Variants in THSD7B observed in about 807,000 individuals in gnomAD.
THSD7B encodes thrombospondin type 1 domain containing 7B, also known as thrombospondin type-1 domain-containing protein 7B.
THSD7B carries 138 observed loss-of-function variants against 213.6 expected under a neutral mutation model. That is an observed-to-expected ratio of 0.65 (90% confidence interval 0.56 to 0.74). THSD7B has a LOEUF of 0.74. Among genes scored for constraint, THSD7B ranks in the 30% least tolerant of loss-of-function variants. The probability of loss-of-function intolerance (pLI) is 0.00; values close to 1 mark genes in which losing one functional copy is unlikely to be tolerated. For missense variants in THSD7B, 1,931 were observed against 1,991.5 expected, an observed-to-expected ratio of 0.97 and a Z score of 0.58; for synonymous variants, 742 against 687.0, an observed-to-expected ratio of 1.08 and a Z score of -1.25.
intron 7 of THSD7B, among the ~76,000 whole-genome samples, chr2:137,218,569 A>G (rs1681299402): frequency 6.6e-6 from 1 of 152,066 alleles, no homozygotes; most frequent in Admixed American, 6.5e-5. Flanking sequence ...TCAGTTGCAT[A>G]AAGGCATTAA....
intron 15 of THSD7B, among the ~76,000 whole-genome samples, chr2:137,502,438 G>A (rs1679732983): frequency 6.6e-6 from 1 of 152,062 alleles, no homozygotes; most frequent in South Asian, 2.1e-4. Flanking sequence ...AGAGGGAAAG[G>A]TCAGAGACAA....
At chr2:137,273,391 C>T (rs1254508301) in intron 11 of THSD7B, among the ~76,000 whole-genome samples, 2 of 152,038 alleles carry the variant, frequency 1.3e-5, no homozygotes, top group African/African-American at 4.8e-5. Flanking sequence ...TAACACCTGA[C>T]AGTTTTAAAT....
intron 18 of THSD7B, 112 bp downstream of exon 18, chr2:137,616,428 G>T: frequency 1.1e-6 from 1 of 949,844 alleles, no homozygotes; most frequent in Non-Finnish European, 1.6e-6. Flanking sequence ...ATGTGTGAGT[G>T]TATTGCATAA....
At chr2:136,795,028 G>A (rs1160887816) in intron 1 of THSD7B, among the ~76,000 whole-genome samples, 7 of 151,754 alleles carry the variant, frequency 4.6e-5, no homozygotes, top group Admixed American at 6.6e-5. Context: ...ATCCTCTACC[G>A]TTAATTTATC....
intron 12 of THSD7B, among the ~76,000 whole-genome samples, chr2:137,383,192 G>A (rs1264547719): frequency 6.6e-6 from 1 of 152,188 alleles, no homozygotes; most frequent in Non-Finnish European, 1.5e-5. Context: ...AACCAAGCAT[G>A]GGACAAATGG....
At chr2:137,572,280 C>T (rs1681369498) in intron 16 of THSD7B, 126 bp from the exon 17 acceptor site, 6 of 1,183,372 alleles carry the variant, frequency 5.1e-6, no homozygotes, top group South Asian at 4.7e-5. Flanking sequence ...TTTTGTTCCC[C>T]TTGGTTTCTG....
chr2:137,586,647 A>G (rs1333843373), intron 17 of THSD7B, among the ~76,000 whole-genome samples: 2 of 152,186 alleles, frequency 1.3e-5, no homozygotes, highest in Non-Finnish European at 2.9e-5. Flanking sequence ...TTTCTTTAAG[A>G]ATGTTGAATA....
Position 137,607,616 on chromosome 2 carries a change from C to G in THSD7B, c.3424-8559C>G, listed in dbSNP as rs555486958. On this transcript the variant is annotated intron_variant, in intron 17 of 27. Transcript: ENST00000409968. ...ACTGTATTGCATTTGAGGATCATAT[C>G]TCTTTCATCTCTTTCTTCCTCTCTC... 2.6e-5 allele frequency among the ~76,000 whole-genome samples: 4 copies of G among 152,168 alleles called. No homozygotes were observed. In the South Asian group the frequency reaches 6.2e-4, roughly 24 times the overall value.
chr2:137,194,578 T>G (rs902783860), intron 7 of THSD7B, among the ~76,000 whole-genome samples: 5 of 152,260 alleles, frequency 3.3e-5, no homozygotes, highest in African/African-American at 1.2e-4. Context: ...AGTGTATCTT[T>G]ACATATGCTA....
chr2:136,875,051 A>G (rs1461224258), intron 1 of THSD7B, among the ~76,000 whole-genome samples: 1 of 152,204 alleles, frequency 6.6e-6, no homozygotes, highest in African/African-American at 2.4e-5. Flanking sequence ...CTTTCCAAGG[A>G]ATAATTTAAT....
intron 1 of THSD7B, among the ~76,000 whole-genome samples, chr2:136,820,623 C>G (rs1030091462): frequency 1.3e-5 from 2 of 151,950 alleles, no homozygotes; most frequent in African/African-American, 4.8e-5. Flanking sequence ...ATGTGTGGTC[C>G]TAGATTAGAA....
At chr2:137,500,839 C>T (rs1414631984) in intron 15 of THSD7B, among the ~76,000 whole-genome samples, 1 of 152,174 alleles carries the variant, frequency 6.6e-6, no homozygotes, top group Admixed American at 6.5e-5. Flanking sequence ...TCAATGCCTC[C>T]TTACAGCCTT....
At chr2:137,111,079 C>G (rs1046410483) in intron 4 of THSD7B, among the ~76,000 whole-genome samples, 15 of 152,196 alleles carry the variant, frequency 9.9e-5, no homozygotes, top group African/African-American at 3.6e-4. Flanking sequence ...TCTCTGTCAT[C>G]AAGTGAGACA....
At chr2:137,204,365 A>G (rs1226903787) in intron 7 of THSD7B, among the ~76,000 whole-genome samples, 5 of 152,126 alleles carry the variant, frequency 3.3e-5, no homozygotes, top group Non-Finnish European at 7.4e-5. Context: ...ACTATGCTAT[A>G]TATTAATTTC....
intron 12 of THSD7B, among the ~76,000 whole-genome samples, chr2:137,308,124 C>T (rs953516929): frequency 1.3e-5 from 2 of 151,992 alleles, no homozygotes; most frequent in East Asian, 1.9e-4. Flanking sequence ...GTTAAAGTAA[C>T]CCCTTCTTGA....
intron 24 of THSD7B, among the ~76,000 whole-genome samples, chr2:137,658,450 T>C (rs1160140667): frequency 6.6e-6 from 1 of 152,192 alleles, no homozygotes; most frequent in Non-Finnish European, 1.5e-5. Flanking sequence ...AAAGCTTAAT[T>C]TAATTCTTAG....
intron 15 of THSD7B, among the ~76,000 whole-genome samples, chr2:137,533,035 T>C (rs1334622081): frequency 1.3e-5 from 2 of 151,024 alleles, no homozygotes; most frequent in African/African-American, 4.8e-5. Flanking sequence ...ATGTAATAGG[T>C]AATATTATTT....
chr2:137,338,773 C>G (rs1233900760), intron 12 of THSD7B, among the ~76,000 whole-genome samples: 1 of 152,004 alleles, frequency 6.6e-6, no homozygotes, highest in Non-Finnish European at 1.5e-5. Flanking sequence ...AGACATTATC[C>G]TTTAATCAAT....
chr2:137,394,314 A>G (rs1322418080), intron 12 of THSD7B, among the ~76,000 whole-genome samples: 1 of 125,978 alleles, frequency 7.9e-6, no homozygotes, highest in Admixed American at 8.0e-5. Context: ...TTAAGGCTTT[A>G]ATCCATCTTG....
Sources: allele counts gnomAD v4.1 joint callset (sites outside exome capture counted in the v4.1 genomes callset), GRCh38; gene constraint gnomAD v4.1.1; transcripts MANE v1.5; gene names NCBI Gene and HGNC (gene_info 2026-07-23, HGNC 2026-07-21).